Variants in PFKM observed in about 807,000 individuals in gnomAD.
The protein encoded by PFKM is phosphofructokinase, muscle.
Under a neutral mutation model 95.5 loss-of-function variants are expected in PFKM, and 58 were observed. That is an observed-to-expected ratio of 0.61 (90% CI 0.49 to 0.76). PFKM has a LOEUF of 0.76. Among genes scored for constraint, PFKM ranks in the 30% least tolerant of loss-of-function variants. The pLI, the probability that PFKM is intolerant of heterozygous loss-of-function variation, is 0.00. For synonymous variants in PFKM, 336 were observed against 357.2 expected, an observed-to-expected ratio of 0.94 and a Z score of 0.67; for missense variants, 678 against 1,005.4, an observed-to-expected ratio of 0.67 and a Z score of 4.40.
upstream of PFKM, among the ~76,000 whole-genome samples, chr12:48,117,117 C>G (rs946482310): frequency 6.6e-6 from 1 of 152,200 alleles, no homozygotes; most frequent in African/African-American, 2.4e-5. Flanking sequence ...TGGAATCATA[C>G]AGTATGCAGC....
At position 48,141,495 on chromosome 12, in the gene PFKM, C is replaced by T. The variant is rs79454264; in HGVS notation, c.1412+114C>T. On this transcript the variant is annotated intron_variant, in intron 15 of 22. Transcript: ENST00000359794. Reference sequence around the variant, plus strand: ...CACCCTGTTGTCTGGGTCCTCCACCCTCAACCTCACAGTTGCTGCCATGAG... The same window carrying T: ...CACCCTGTTGTCTGGGTCCTCCACCTTCAACCTCACAGTTGCTGCCATGAG... 0.026 allele frequency: 24,456 copies of T among 936,548 alleles called. 455 individuals carry two copies. The highest frequency in any genetic ancestry group is 0.056 in the South Asian group (4,176 of 74,642). 58.0% of individuals were successfully genotyped at this position (936,548 alleles called of 1,614,324 possible). A position where few individuals can be genotyped will look rare whatever the true frequency, so the allele number is the denominator to read the frequency against.
At chr12:48,110,739 G>A (rs188640899) in intron 3 of PFKM, among the ~76,000 whole-genome samples, 1 of 152,136 alleles carries the variant, frequency 6.6e-6, no homozygotes, top group Non-Finnish European at 1.5e-5. Flanking sequence ...TTTCTTTCTT[G>A]TCTCTTACCT....
At chr12:48,111,031 A>C (rs1565838865) in intron 3 of PFKM, among the ~76,000 whole-genome samples, 1 of 152,224 alleles carries the variant, frequency 6.6e-6, no homozygotes, top group Non-Finnish European at 1.5e-5. Context: ...AAAAAAGCTC[A>C]GGGGTAGCAG....
chr12:48,113,533 T>C (rs1483262797), intron 3 of PFKM, among the ~76,000 whole-genome samples: 1 of 152,116 alleles, frequency 6.6e-6, no homozygotes, highest in Non-Finnish European at 1.5e-5. Flanking sequence ...GGACATGGCT[T>C]AGGAGGAATC....
chr12:48,136,668 C>T (rs1353270342), intron 10 of PFKM, among the ~76,000 whole-genome samples: 2 of 136,472 alleles, frequency 1.5e-5, no homozygotes, highest in Non-Finnish European at 3.2e-5. Flanking sequence ...TGTTTGCATC[C>T]TTACCAGCAT....
In PFKM at chr12:48,145,590, G is replaced by C; in HGVS notation, c.2225G>C (p.Trp742Ser). The C allele has an allele frequency of 6.2e-7, 1 of 1,614,060 alleles. No homozygotes were observed. The highest frequency in any genetic ancestry group is 2.2e-5 in the East Asian group (1 of 44,880). Residue 742 changes from tryptophan (W) to serine (S), a missense_variant, in exon 23 of 23, where the codon TGG becomes TCG. Coordinates refer to ENST00000359794, the MANE Select transcript of PFKM (RefSeq NM_000289.6). The surrounding 1 kb of genome is among the most constrained non-coding windows in gnomAD (Gnocchi z 4.3). ...CATCGAATCCCCAAGGAACAGTGGT[G>C]GCTGAAACTGAGGCCCATCCTCAAA... is the stretch of plus-strand genomic sequence containing the variant. ...FEHRIPKEQW[W>S]LKLRPILKIL... is the part of the protein sequence containing the mutation.
At chr12:48,112,651 AG>A (rs1947306778) in intron 3 of PFKM, among the ~76,000 whole-genome samples, 1 of 152,056 alleles carries the variant, frequency 6.6e-6, no homozygotes, top group African/African-American at 2.4e-5. Flanking sequence ...TTGTGGAGGG[AG>A]GTATTGAGGT....
At chr12:48,114,076 A>C (rs1947454406) in intron 3 of PFKM, among the ~76,000 whole-genome samples, 1 of 152,170 alleles carries the variant, frequency 6.6e-6, no homozygotes, top group South Asian at 2.1e-4. Flanking sequence ...AATCGGCCGG[A>C]TAGTTCCATT....
rs1950585772 is a variant in PFKM, at chr12:48,141,670, CCCT to C, written c.1413-68_1413-66del. The C allele has an allele frequency of 4.3e-6, 5 of 1,154,246 alleles. 1 individual carries two copies. Among genetic ancestry groups the C allele is most frequent in the South Asian group, 2.4e-5 (2 of 81,876 alleles). 71.5% of individuals were successfully genotyped at this position (1,154,246 alleles called of 1,614,324 possible). A position where few individuals can be genotyped will look rare whatever the true frequency, so the allele number is the denominator to read the frequency against. ...GTGCCTCTAACTCTAGCTTTTCTCC[CCCT>C]CAATTTTCCTGTCTCTTCCCCAAAT... On this transcript the variant is annotated intron_variant, in intron 15 of 22. Coordinates refer to ENST00000359794, the MANE Select transcript of PFKM (RefSeq NM_000289.6).
At chr12:48,137,661 A>G in intron 10 of PFKM, 60 bp from the exon 11 acceptor site, 1 of 1,608,080 alleles carries the variant, frequency 6.2e-7, no homozygotes, top group East Asian at 2.2e-5. Flanking sequence ...CTGACTCTCT[A>G]GGCTGAGCCA....
chr12:48,119,243 G>A, upstream of PFKM: 1 of 983,258 alleles, frequency 1.0e-6, no homozygotes, highest in South Asian at 4.7e-5. Context: ...AGGAGGCGGA[G>A]CCTTCTTGTC....
chr12:48,135,204 G>A lies in PFKM; in HGVS notation c.844-87G>A, dbSNP rs1312127316. The stretch of plus-strand genomic sequence containing the variant: ...GAACCATTACAAGACAAGAGGCTGA[G>A]CTGTCCATGGTTTACCCAAGTCTCT... On this transcript the variant is annotated intron_variant, in intron 9 of 22. Coordinates refer to ENST00000359794, the MANE Select transcript of PFKM (RefSeq NM_000289.6). 42 of 1,243,580 alleles carry A rather than the reference G, an allele frequency of 3.4e-5. 1 individual carries two copies. The South Asian group carries it at 4.6e-4, about 13-fold the overall frequency. 77.0% of individuals were successfully genotyped at this position (1,243,580 alleles called of 1,614,324 possible).
intron 2 of PFKM, among the ~76,000 whole-genome samples, chr12:48,127,858 A>G (rs1252180671): frequency 1.3e-5 from 2 of 152,230 alleles, no homozygotes; most frequent in African/African-American, 4.8e-5. Context: ...AGAAATGTCC[A>G]TGCCTGCAGA....
rs533292319 is a variant in PFKM at position 48,135,487 on chromosome 12, C to T, written c.936+104C>T. 1.6e-5 allele frequency: 12 copies of T among 771,608 alleles called. No individual in the cohort carries two copies. In the South Asian group the frequency reaches 1.6e-4, roughly 10 times the overall value. 47.8% of individuals were successfully genotyped at this position (771,608 alleles called of 1,614,324 possible). ...CCAGACAGGGACTTACATCACTGGT[C>T]GCATTGCCTCTCCACCAGCCTTTGG... On this transcript the variant is annotated intron_variant, in intron 10 of 22. Coordinates refer to ENST00000359794, the MANE Select transcript of PFKM (RefSeq NM_000289.6).
chr12:48,127,836 C>G (rs1949016416), intron 2 of PFKM, among the ~76,000 whole-genome samples: 1 of 152,198 alleles, frequency 6.6e-6, no homozygotes, highest in East Asian at 1.9e-4. Flanking sequence ...AAGCTGTGGA[C>G]CTTCTCCCGA....
In PFKM at chr12:48,145,080, C is replaced by G. The variant is rs758048556; in HGVS notation, c.2042C>G (p.Ala681Gly). 1 of 1,614,152 alleles carries G rather than the reference C, an allele frequency of 6.2e-7. No individual in the cohort carries two copies. Among genetic ancestry groups the G allele is most frequent in the South Asian group, 1.1e-5 (1 of 91,084 alleles). The change falls in exon 21 of 23, where the codon GCC becomes GGC. Residue 681 changes from alanine (A) to glycine (G), a missense_variant. By Grantham distance (60) the Ala-to-Gly change is moderately conservative. Transcript: ENST00000359794. This position sits in a 1 kb window ranked among gnomAD's most constrained non-coding sequence, Gnocchi z 4.3. ...AGGAATTTTGCCACTAAGATGGGCG[C>G]CAAGGCTATGAACTGGATGTCTGGG... ...FDRNFATKMG[A>G]KAMNWMSGKI...
At chr12:48,126,273 G>A (rs1473512370) in intron 2 of PFKM, among the ~76,000 whole-genome samples, 1 of 152,218 alleles carries the variant, frequency 6.6e-6, no homozygotes, top group Non-Finnish European at 1.5e-5. Flanking sequence ...TTGGCTAGGA[G>A]AGCTCAAAGA....
At chr12:48,143,895 C>T in intron 19 of PFKM, 81 bp downstream of exon 19, 3 of 1,179,420 alleles carry the variant, frequency 2.5e-6, no homozygotes, top group Middle Eastern at 1.9e-4. Flanking sequence ...ATTGTTGGGA[C>T]ACCCTGAGGA....
In PFKM at chr12:48,145,690, C is replaced by T. The variant is rs780497709; in HGVS notation, c.2325C>T (p.Ser775=). Residue 775 remains serine (S), a synonymous_variant, in exon 23 of 23, where the codon TCC becomes TCT. Coordinates refer to ENST00000359794, the MANE Select transcript of PFKM (RefSeq NM_000289.6). The surrounding 1 kb of genome is among the most constrained non-coding windows in gnomAD (Gnocchi z 4.3). ...AHLEHITRKR[S]GEAAV The stretch of plus-strand genomic sequence containing the variant: ...TGGAGCACATCACCCGGAAGCGGTC[C>T]GGGGAAGCTGCCGTCTAAACCTCTC... 15 of 1,614,042 alleles carry T rather than the reference C, an allele frequency of 9.3e-6. No individual in the cohort carries two copies. Among genetic ancestry groups the T allele is most frequent in the South Asian group, 5.5e-5 (5 of 91,074 alleles).
Sources: gnomAD v4.1 joint callset for allele counts (sites outside exome capture counted in the v4.1 genomes callset) on GRCh38, gnomAD v4.1.1 for gene constraint, Gnocchi (gnomAD v3.1) non-coding constraint, MANE v1.5 for transcripts, NCBI Gene and HGNC (gene_info 2026-07-23, HGNC 2026-07-21) for gene names.